Variants in NEK10 observed in about 807,000 individuals in gnomAD.
NEK10 encodes serine/threonine-protein kinase Nek10.
Under a neutral mutation model 159.8 loss-of-function variants are expected in NEK10, and 122 were observed. The ratio of observed to expected loss-of-function variants is 0.76; its 90% CI spans 0.66 to 0.89. NEK10 has a LOEUF of 0.89. Ranked by LOEUF, NEK10 falls within the 40% of genes least tolerant of loss-of-function variation. The pLI is 0.00. For synonymous variants in NEK10, 466 were observed against 457.1 expected, an observed-to-expected ratio of 1.02 and a Z score of -0.25; for missense variants, 1,342 against 1,323.1, an observed-to-expected ratio of 1.01 and a Z score of -0.22.
At chr3:27,356,426 C>T (rs916201797) in intron 1 of NEK10, among the ~76,000 whole-genome samples, 2 of 152,122 alleles carry the variant, frequency 1.3e-5, no homozygotes, top group African/African-American at 4.8e-5. Flanking sequence ...AAGAGGATTG[C>T]TTGAGCCCAG....
chr3:27,201,292 C>T (rs573683366), intron 25 of NEK10, among the ~76,000 whole-genome samples: 1 of 152,214 alleles, frequency 6.6e-6, no homozygotes, highest in East Asian at 1.9e-4. Flanking sequence ...AATAATCGTT[C>T]TAGTGGTTGC....
rs115527524 is a variant in NEK10 at position 27,329,743 on chromosome 3, G to A, written c.363-7482C>T. Among the ~76,000 whole-genome samples the A allele has an allele frequency of 9.2e-3, 1,397 of 152,316 alleles. 29 individuals carry two copies. The highest frequency in any genetic ancestry group is 0.031 in the African/African-American group (1,291 of 41,564). ...ATGTGCATTGATTAGTAAAGAACAA[G>A]GGAATCCGTGAGGCATTAGAGAAAA... On this transcript the variant is annotated intron_variant, in intron 5 of 35. Coordinates refer to ENST00000691995, the MANE Select transcript of NEK10 (RefSeq NM_001394966.1).
At chr3:27,272,204 G>A (rs1172067736) in intron 22 of NEK10, among the ~76,000 whole-genome samples, 3 of 152,230 alleles carry the variant, frequency 2.0e-5, no homozygotes, top group Admixed American at 1.3e-4. Flanking sequence ...TCCAAATTCA[G>A]CTGTAAAGTC....
chr3:27,192,202 C>A lies in NEK10; in HGVS notation c.2332G>T (p.Glu778Ter), dbSNP rs374511107. 2.5e-6 allele frequency: 4 copies of A among 1,614,018 alleles called. No homozygotes were observed. The highest frequency in any genetic ancestry group is 3.4e-6 in the Non-Finnish European group (4 of 1,180,010). Residue 778 changes from glutamate to a stop codon, truncating the protein, a stop_gained, in exon 26 of 36, where the codon GAA (glutamate) becomes TAA (stop). Transcript: ENST00000691995. LOFTEE classifies it high-confidence loss of function. Reference protein sequence around the residue: ...PDAEARPDIVEVSSMISDVMM... With the variant: ...PDAEARPDIV ...ACATCTGATATCATCGAACTGACTT[C>A]TACAATATCTGGACGAGCTTCCGCA...
Position 27,346,171 on chromosome 3 carries a change from A to G in NEK10, c.178T>C (p.Ser60Pro), listed in dbSNP as rs768410152. ...CCACCCGCCCTGATGGCGGGCTCAG[A>G]CTTCGTCATGCTATTTTGGGCACTA... ...FDSAQNSMTK[S>P]EPAIRAGGHR... is the part of the protein sequence containing the mutation. Residue 60 changes from serine (S) to proline (P), a missense_variant, in exon 4 of 36, where the codon TCT becomes CCT. Transcript: ENST00000691995. 5.0e-6 allele frequency: 8 copies of G among 1,613,594 alleles called. No individual in the cohort carries two copies. In the Admixed American group the frequency reaches 1.0e-4, roughly 20 times the overall value.
intron 32 of NEK10, among the ~76,000 whole-genome samples, chr3:27,131,095 G>A (rs568039441): frequency 1.3e-5 from 2 of 152,276 alleles, no homozygotes; most frequent in South Asian, 2.1e-4. Flanking sequence ...TTAAAGGAAC[G>A]TGAAACCTTA....
At chr3:27,213,057 G>A (rs1046048853) in intron 23 of NEK10, among the ~76,000 whole-genome samples, 5 of 152,194 alleles carry the variant, frequency 3.3e-5, no homozygotes, top group Admixed American at 2.6e-4. Flanking sequence ...GATACACCAA[G>A]TAACCAATGG....
intron 22 of NEK10, among the ~76,000 whole-genome samples, chr3:27,269,535 T>G (rs1473557017): frequency 6.6e-6 from 1 of 152,232 alleles, no homozygotes; most frequent in Non-Finnish European, 1.5e-5. Context: ...ACGAATTATG[T>G]TTTAATTGAG....
chr3:27,114,099 C>T (rs1009814743), intron 35 of NEK10, among the ~76,000 whole-genome samples: 2 of 152,152 alleles, frequency 1.3e-5, no homozygotes, highest in African/African-American at 2.4e-5. Flanking sequence ...ATAGAGCCTG[C>T]TTTGGGAAGA....
chr3:27,337,395 T>TATACAGA (rs1476352465), intron 5 of NEK10, among the ~76,000 whole-genome samples: 7 of 151,788 alleles, frequency 4.6e-5, no homozygotes, highest in Admixed American at 1.3e-4. Context: ...CCCAAAGTAA[T>TATACAGA]ATACAGATTC....
chr3:27,312,121 C>T lies in NEK10; in HGVS notation c.546G>A (p.Val182=). 1 of 1,612,318 alleles carries T rather than the reference C, an allele frequency of 6.2e-7. No homozygotes were observed. The highest frequency in any genetic ancestry group is 8.5e-7 in the Non-Finnish European group (1 of 1,178,822). The stretch of plus-strand genomic sequence containing the variant: ...TACATGTCATGTTGACCAGCTTGTC[C>T]ACAGTGTGCTGCTCTTCTCCATAGC... ...YLGYGEEQHT[V]DKLVNMTYIF... Residue 182 remains valine (V), a synonymous_variant, in exon 8 of 36, where the codon GTG becomes GTA. Coordinates refer to ENST00000691995, the MANE Select transcript of NEK10 (RefSeq NM_001394966.1).
chr3:27,271,093 C>CAT (rs1250330629), intron 22 of NEK10, among the ~76,000 whole-genome samples: 7 of 152,036 alleles, frequency 4.6e-5, no homozygotes, highest in Admixed American at 3.3e-4. Flanking sequence ...TGTATATGTA[C>CAT]ATATATAGGC....
rs1939109157 is a variant in NEK10 at position 27,107,394 on chromosome 3, T to A, written c.*3878A>T. 6.6e-6 allele frequency among the ~76,000 whole-genome samples: 1 copy of A among 152,168 alleles called. No individual in the cohort carries two copies. Among genetic ancestry groups the A allele is most frequent in the Non-Finnish European group, 1.5e-5 (1 of 68,024 alleles). On this transcript the variant is annotated 3_prime_UTR_variant, in exon 36 of 36. Coordinates refer to ENST00000691995, the MANE Select transcript of NEK10 (RefSeq NM_001394966.1). ...CATAAGAATTCCTTTATCACAAAGC[T>A]GTTTCCCTGAGAAATTTGTGTCTTC...
intron 25 of NEK10, among the ~76,000 whole-genome samples, 157 bp downstream of exon 25, chr3:27,201,353 T>C (rs939636103): frequency 1.3e-5 from 2 of 152,224 alleles, no homozygotes; most frequent in African/African-American, 2.4e-5. Context: ...AGCATCCAAA[T>C]AGTCACTGTT....
At chr3:27,220,313 T>C in intron 23 of NEK10, among the ~76,000 whole-genome samples, 1 of 152,226 alleles carries the variant, frequency 6.6e-6, no homozygotes, top group East Asian at 1.9e-4. Flanking sequence ...TCCTTGCCTT[T>C]TTCCAGCTTC....
chr3:27,132,133 GA>G, intron 31 of NEK10, 143 bp from the exon 32 acceptor site: 1 of 425,790 alleles, frequency 2.3e-6, no homozygotes, highest in Non-Finnish European at 4.2e-6. Context: ...CAAATAGCAT[GA>G]CTAGATGCTA....
rs974525859 is a variant in NEK10, at chr3:27,369,100, C to T, written c.-38+125G>A. The T allele has an allele frequency of 3.3e-5, 5 of 152,470 alleles. No homozygotes were observed. Among genetic ancestry groups the T allele is most frequent in the African/African-American group, 1.2e-4 (5 of 41,456 alleles). 9.4% of individuals were successfully genotyped at this position (152,470 alleles called of 1,614,324 possible). The stretch of plus-strand genomic sequence containing the variant: ...ACAGCCGCATTCTCTACCTCTGCCT[C>T]TTGTCTAGTGAAGCTGGCTCCCGAG... On this transcript the variant is annotated intron_variant, in intron 1 of 35. Transcript: ENST00000691995. The surrounding 1 kb of genome is among the most constrained non-coding windows in gnomAD (Gnocchi z 4.2).
At chr3:27,236,435 C>A (rs924073757) in intron 23 of NEK10, among the ~76,000 whole-genome samples, 1 of 152,080 alleles carries the variant, frequency 6.6e-6, no homozygotes, top group Admixed American at 6.6e-5. Flanking sequence ...ATTATTCTAA[C>A]TGAAGTAACT....
Position 27,283,515 on chromosome 3 carries a change from G to A in NEK10, c.2014+1087C>T, listed in dbSNP as rs535999797. Among the ~76,000 whole-genome samples the A allele has an allele frequency of 7.9e-5, 12 of 152,094 alleles. No individual in the cohort carries two copies. In the East Asian group the frequency reaches 1.4e-3, roughly 17 times the overall value. On this transcript the variant is annotated intron_variant, in intron 22 of 35. Coordinates refer to ENST00000691995, the MANE Select transcript of NEK10 (RefSeq NM_001394966.1). Reference sequence around the variant, plus strand: ...AAAATTTTTATTGCTGGGATGTTACGGTGAAAAACATTTGGAGACTGCTGG... The same window carrying A: ...AAAATTTTTATTGCTGGGATGTTACAGTGAAAAACATTTGGAGACTGCTGG...
Sources: allele counts gnomAD v4.1 joint callset (sites outside exome capture counted in the v4.1 genomes callset), GRCh38; gene constraint gnomAD v4.1.1; non-coding constraint Gnocchi (gnomAD v3.1); transcripts MANE v1.5; gene names NCBI Gene and HGNC (gene_info 2026-07-23, HGNC 2026-07-21).